RSRC2: variants seen among roughly 807,000 people sequenced by gnomAD.
RSRC2 encodes the protein arginine and serine rich coiled-coil 2.
A neutral mutation model predicts 61.3 loss-of-function variants in RSRC2; 5 were observed. That is an observed-to-expected ratio of 0.08 (90% CI 0.04 to 0.17). The LOEUF is 0.17. RSRC2 is among the 10% of genes least tolerant of loss of function. The pLI is 1.00. For missense variants in RSRC2, 381 were observed against 518.8 expected, an observed-to-expected ratio of 0.73 and a Z score of 2.58; for synonymous variants, 202 against 166.5, an observed-to-expected ratio of 1.21 and a Z score of -1.64.
chr12:122,509,276 G>A (rs1245391847), intron 7 of RSRC2, among the ~76,000 whole-genome samples: 6 of 151,674 alleles, frequency 4.0e-5, no homozygotes, highest in Admixed American at 6.6e-5. Flanking sequence ...GTGAAACCCC[G>A]TCTCAAATAA....
At chr12:122,524,760 G>A (rs1489889706) in intron 1 of RSRC2, among the ~76,000 whole-genome samples, 2 of 151,998 alleles carry the variant, frequency 1.3e-5, no homozygotes, top group African/African-American at 2.4e-5. Context: ...AGGTATCCAG[G>A]AAAAAAACCT....
rs2137532564 is a variant in RSRC2, at chr12:122,520,201, T to C, written c.208-1172A>G. ...ATTTTGGAACATGCATGATGATTTA[T>C]CTGAAAATGATCATAGTACATAATT... On this transcript the variant is annotated intron_variant, in intron 3 of 9. Coordinates refer to ENST00000331738, the MANE Select transcript of RSRC2 (RefSeq NM_023012.6). 4 of 222,766 alleles carry C rather than the reference T, an allele frequency of 1.8e-5. No homozygotes were observed. The South Asian group carries it at 2.0e-4, about 11-fold the overall frequency. The allele number at this position is 222,766 out of a possible 1,614,324, so 13.8% of individuals were successfully genotyped here.
chr12:122,514,634 A>G, intron 6 of RSRC2: 3 of 1,043,444 alleles, frequency 2.9e-6, no homozygotes, highest in Non-Finnish European at 2.4e-6. Context: ...AACTTACAAG[A>G]TCAAATAAAT....
intron 9 of RSRC2, among the ~76,000 whole-genome samples, chr12:122,506,072 A>T (rs1388846628): frequency 6.6e-6 from 1 of 151,978 alleles, no homozygotes; most frequent in African/African-American, 2.4e-5. Flanking sequence ...ACAGGTGTGA[A>T]CTAGGCTGAC....
intron 1 of RSRC2, among the ~76,000 whole-genome samples, chr12:122,526,523 T>TA (rs999290921): frequency 4.6e-5 from 7 of 151,630 alleles, no homozygotes; most frequent in Admixed American, 2.0e-4. Context: ...TCTCAGGCCC[T>TA]AAAAAAAACT....
intron 3 of RSRC2, chr12:122,520,293 A>C (rs1166025594): frequency 3.0e-6 from 1 of 328,748 alleles, no homozygotes. Context: ...CCAGTTCTCT[A>C]TAGGAGCTTA....
intron 1 of RSRC2, chr12:122,523,014 T>A (rs1959456334): frequency 1.3e-5 from 2 of 152,232 alleles, no homozygotes; most frequent in South Asian, 4.1e-4. Context: ...TGCTCGGCTA[T>A]CTGACCAGAG....
At chr12:122,524,247 A>G (rs962856927) in intron 1 of RSRC2, among the ~76,000 whole-genome samples, 9 of 151,984 alleles carry the variant, frequency 5.9e-5, no homozygotes, top group African/African-American at 2.2e-4. Context: ...TGAATTCTGG[A>G]CACTTTTTTT....
intron 3 of RSRC2, chr12:122,520,340 A>G (rs1959179413): frequency 2.7e-6 from 1 of 377,336 alleles, no homozygotes; most frequent in African/African-American, 2.1e-5. Context: ...ATAACGAGGC[A>G]GACTGGAAAA....
chr12:122,526,709 T>G, intron 1 of RSRC2, 139 bp downstream of exon 1: 10 of 651,034 alleles, frequency 1.5e-5, no homozygotes, highest in East Asian at 4.8e-5. Context: ...CAGGCAGCCA[T>G]GATGGCGGGC....
At chr12:122,512,301 TATCA>T (rs1251482031) in intron 6 of RSRC2, among the ~76,000 whole-genome samples, 5 of 152,254 alleles carry the variant, frequency 3.3e-5, no homozygotes, top group African/African-American at 1.2e-4. Flanking sequence ...TTCCCTGATT[TATCA>T]ATCAAGCCAA....
In RSRC2 at chr12:122,517,318, C is replaced by G. The variant is rs779816661; in HGVS notation, c.511G>C (p.Glu171Gln). The G allele has an allele frequency of 6.2e-7, 1 of 1,614,110 alleles. No individual in the cohort carries two copies. The highest frequency in any genetic ancestry group is 8.5e-7 in the Non-Finnish European group (1 of 1,180,016). The change falls in exon 5 of 10, where the codon GAA (glutamate) becomes CAA (glutamine). Residue 171 changes from glutamate to glutamine, a missense_variant. Glu to Gln is a conservative substitution (Grantham distance 29). Coordinates refer to ENST00000331738, the MANE Select transcript of RSRC2 (RefSeq NM_023012.6). ...ERKKSRSRSR[E>Q]RKRRIRSRSR... ...CGAGACCTGATCCGCCGTTTTCTTT[C>G]CCTGCTTCTGGATCTCGATTTCTTC...
At chr12:122,525,081 T>C (rs2137568372) in intron 1 of RSRC2, among the ~76,000 whole-genome samples, 1 of 152,224 alleles carries the variant, frequency 6.6e-6, no homozygotes, top group Non-Finnish European at 1.5e-5. Context: ...CTTTTTAAAA[T>C]ACTAGAACCC....
At chr12:122,509,942 C>A (rs1958374919) in intron 7 of RSRC2, among the ~76,000 whole-genome samples, 1 of 152,062 alleles carries the variant, frequency 6.6e-6, no homozygotes, top group Non-Finnish European at 1.5e-5. Context: ...GAGTTCAAGC[C>A]TCCTGAGTAG....
At chr12:122,509,113 T>A (rs1958309568) in intron 7 of RSRC2, among the ~76,000 whole-genome samples, 1 of 151,946 alleles carries the variant, frequency 6.6e-6, no homozygotes, top group African/African-American at 2.4e-5. Context: ...AATGTTCTCA[T>A]GGACATTTCA....
chr12:122,522,232 T>C lies in RSRC2; in HGVS notation c.74A>G (p.Glu25Gly). ...KTSPDRDKKK[E>G]QSEVSVSPRA... is the part of the protein sequence containing the mutation. ...AGGAGAAACAGATACTTCTGACTGCTCTTTTTTCTTATCTCTATCTGGTGA... is the reference window on the plus strand; with the variant it reads ...AGGAGAAACAGATACTTCTGACTGCCCTTTTTTCTTATCTCTATCTGGTGA... The change falls in exon 2 of 10, where the codon GAG becomes GGG. Residue 25 changes from glutamate (E) to glycine (G), a missense_variant. This residue lies in a region of RSRC2 where 266 missense variants were observed against 270.5 expected (regional missense o/e 0.98). Coordinates refer to ENST00000331738, the MANE Select transcript of RSRC2 (RefSeq NM_023012.6). 6.2e-7 allele frequency: 1 copy of C among 1,614,096 alleles called. No individual in the cohort carries two copies. Among genetic ancestry groups the C allele is most frequent in the Non-Finnish European group, 8.5e-7 (1 of 1,179,954 alleles).
At chr12:122,522,522 C>G (rs1959370030) in intron 1 of RSRC2, 1 of 336,668 alleles carries the variant, frequency 3.0e-6, no homozygotes, top group Admixed American at 4.9e-5. Context: ...ACTGATGTAT[C>G]TTTAATTTTC....
intron 3 of RSRC2, chr12:122,519,858 GCTA>G (rs1261556537): frequency 2.6e-5 from 4 of 152,482 alleles, no homozygotes; most frequent in Non-Finnish European, 4.4e-5. Flanking sequence ...AAGTAGAAGT[GCTA>G]CATACTACAG....
intron 4 of RSRC2, among the ~76,000 whole-genome samples, 196 bp from the exon 5 acceptor site, chr12:122,517,626 C>A (rs779022980): frequency 5.3e-5 from 8 of 152,010 alleles, no homozygotes; most frequent in Non-Finnish European, 7.4e-5. Context: ...ATAATTTGTC[C>A]TAGAACATAG....
Sources: allele counts gnomAD v4.1 joint callset (sites outside exome capture counted in the v4.1 genomes callset), GRCh38; gene constraint gnomAD v4.1.1; regional missense constraint gnomAD v4.1.1; transcripts MANE v1.5; gene names NCBI Gene and HGNC (gene_info 2026-07-23, HGNC 2026-07-21).